The following TESPA1 variants were observed in gnomAD, a reference collection of about 807,000 sequenced individuals.
The protein encoded by TESPA1 is protein TESPA1.
In TESPA1, 33 loss-of-function variants were observed where a neutral mutation model predicts 57.9. The ratio of observed to expected loss-of-function variants is 0.57; its 90% CI spans 0.43 to 0.76. TESPA1 has a LOEUF of 0.76. TESPA1 is among the 30% of genes least tolerant of loss of function. TESPA1 has a pLI of 0.00. For synonymous variants in TESPA1, 227 were observed against 228.9 expected (o/e 0.99, Z 0.07); for missense variants, 618 against 632.9 (o/e 0.98, Z 0.25).
In TESPA1 at chr12:54,973,485, C is replaced by A. The variant is rs1436021998; in HGVS notation, c.198G>T (p.Gln66His). ...NPINKIEDWL[Q>H]DCGYSEEGFS... ...GCCTGTCCAGCACTTACCCGCAATC[C>A]TGCAGCCAGTCTTCAATTTTATTGA... Residue 66 changes from glutamine to histidine, a missense_variant, in exon 3 of 11, where the codon CAG (glutamine) becomes CAT (histidine). By Grantham distance (24) the Gln-to-His change is conservative. This residue lies in a region of TESPA1 where 199 missense variants were observed against 184.0 expected (regional missense o/e 1.08). Transcript: ENST00000449076. 1 of 1,614,000 alleles carries A rather than the reference C, an allele frequency of 6.2e-7. No homozygotes were observed. Among genetic ancestry groups the A allele is most frequent in the African/African-American group, 1.3e-5 (1 of 75,036 alleles).
chr12:54,974,585 C>A lies in TESPA1; in HGVS notation c.-23G>T. On this transcript the variant is annotated 5_prime_UTR_variant, in exon 2 of 11. Transcript: ENST00000449076. ...CATGGCCCTGGCTCAGACTTCAGGG[C>A]CTCCCGTAACAGTAATGCCGTCCTA... 1.3e-6 allele frequency: 2 copies of A among 1,517,040 alleles called. No individual in the cohort carries two copies. Among genetic ancestry groups the A allele is most frequent in the Admixed American group, 2.2e-5 (1 of 45,758 alleles). 94.0% of individuals were successfully genotyped at this position (1,517,040 alleles called of 1,614,324 possible). A position where few individuals can be genotyped will look rare whatever the true frequency, so the allele number is the denominator to read the frequency against.
Position 54,976,591 on chromosome 12 carries a change from C to G in TESPA1, c.-45-1984G>C, listed in dbSNP as rs568062044. On this transcript the variant is annotated intron_variant, in intron 1 of 10. Transcript: ENST00000449076. Reference sequence around the variant, plus strand: ...GAGGGAGGAATATCTGGATTTCATACTTTATTCTGCCACTTCAAATGGTAT... The same window carrying G: ...GAGGGAGGAATATCTGGATTTCATAGTTTATTCTGCCACTTCAAATGGTAT... Among the ~76,000 whole-genome samples, 13 of 152,246 alleles carry G rather than the reference C, an allele frequency of 8.5e-5. No homozygotes were observed. In the South Asian group the frequency reaches 1.2e-3, roughly 15 times the overall value.
At chr12:54,963,591 A>G (rs1951224229) in intron 8 of TESPA1, 151 bp downstream of exon 8, 4 of 899,642 alleles carry the variant, frequency 4.4e-6, no homozygotes, top group Admixed American at 2.8e-5. Context: ...AGAGTTCTCC[A>G]TCTTCACTGA....
intron 10 of TESPA1, among the ~76,000 whole-genome samples, chr12:54,953,710 C>T (rs768011598): frequency 4.0e-5 from 6 of 151,888 alleles, no homozygotes; most frequent in African/African-American, 1.2e-4. Context: ...TTAGTAGAGA[C>T]GGGGTTTCAC....
Position 54,955,363 on chromosome 12 carries a change from G to C in TESPA1, c.*2-4973C>G, listed in dbSNP as rs533902041. Among the ~76,000 whole-genome samples the C allele has an allele frequency of 8.5e-4, 130 of 152,300 alleles. 1 individual carries two copies. The highest frequency in any genetic ancestry group is 3.1e-3 in the African/African-American group (127 of 41,562). On this transcript the variant is annotated intron_variant, in intron 10 of 10. Coordinates refer to ENST00000449076, the MANE Select transcript of TESPA1 (RefSeq NM_001136030.3). ...CTTTGAAATGTAATTATCAAGGAGG[G>C]TAGCACCTGTCTCTTCCAGTCTCAA...
intron 3 of TESPA1, among the ~76,000 whole-genome samples, chr12:54,971,439 T>C (rs1951824387): frequency 6.6e-6 from 1 of 152,254 alleles, no homozygotes; most frequent in South Asian, 2.1e-4. Flanking sequence ...TTAGTTTTTC[T>C]AGCTTTTCCA....
chr12:54,954,126 T>C (rs1482231758), intron 10 of TESPA1, among the ~76,000 whole-genome samples: 2 of 152,158 alleles, frequency 1.3e-5, no homozygotes, highest in East Asian at 3.9e-4. Context: ...CAGATCCAAG[T>C]ACAGGTAGCG....
At chr12:54,975,573 C>T (rs1185708760) in intron 1 of TESPA1, among the ~76,000 whole-genome samples, 2 of 152,092 alleles carry the variant, frequency 1.3e-5, no homozygotes, top group Non-Finnish European at 2.9e-5. Flanking sequence ...ACTTGCATCC[C>T]ACCACACTGA....
intron 1 of TESPA1, among the ~76,000 whole-genome samples, chr12:54,983,808 TG>T (rs1000069885): frequency 3.5e-4 from 54 of 152,232 alleles, no homozygotes; most frequent in African/African-American, 1.3e-3. Context: ...CTCATGTAGG[TG>T]GTGATATGCT....
chr12:54,976,462 C>T (rs12823359), intron 1 of TESPA1, among the ~76,000 whole-genome samples: 16,772 of 150,720 alleles, frequency 0.11, 1,029 homozygotes, highest in Middle Eastern at 0.13. Context: ...CATTTTTGGT[C>T]GTAGAACTCA....
rs760710663 is a variant in TESPA1, at chr12:54,963,001, C to T, written c.897G>A (p.Arg299=). The T allele has an allele frequency of 6.2e-7, 1 of 1,613,662 alleles. No homozygotes were observed. The highest frequency in any genetic ancestry group is 8.5e-7 in the Non-Finnish European group (1 of 1,179,814). The stretch of plus-strand genomic sequence containing the variant: ...TGGGGGTGTTGTGGGGTGGTGGTGG[C>T]CGGTCTCGGGGGCATGTGTACAGAC... ...KMCLYTCPRD[R]PPPPHNTPKR... Residue 299 remains arginine, a synonymous_variant, in exon 9 of 11, where the codon CGG becomes CGA. Coordinates refer to ENST00000449076, the MANE Select transcript of TESPA1 (RefSeq NM_001136030.3).
At chr12:54,973,681 A>T in intron 2 of TESPA1, 162 bp from the exon 3 acceptor site, 1 of 1,412,272 alleles carries the variant, frequency 7.1e-7, no homozygotes, top group Non-Finnish European at 9.2e-7. Context: ...TACACCGTAT[A>T]TAAAAATAGT....
Position 54,962,850 on chromosome 12 carries a change from C to A in TESPA1, c.1048G>T (p.Gly350Cys). 1.2e-6 allele frequency: 2 copies of A among 1,613,776 alleles called. No homozygotes were observed. Among genetic ancestry groups the A allele is most frequent in the Non-Finnish European group, 1.7e-6 (2 of 1,179,782 alleles). The change falls in exon 9 of 11, where the codon GGT becomes TGT. Residue 350 changes from glycine to cysteine, a missense_variant. Around this residue, in one of 3 missense-constraint regions of TESPA1, gnomAD observed 409 missense variants for 420.1 expected, o/e 0.97. Transcript: ENST00000449076. ...SQEDPVPPAEGKKLPTSPYPC... is the reference protein window; with the variant it reads ...SQEDPVPPAECKKLPTSPYPC... ...TAGGGAGAAGTGGGCAACTTCTTAC[C>A]CTCAGCAGGGGGCACAGGATCTTCC...
At position 54,966,077 on chromosome 12, in the gene TESPA1, C is replaced by A. The variant is rs865817012; in HGVS notation, c.422G>T (p.Gly141Val). Residue 141 changes from glycine to valine, a missense_variant, in exon 7 of 11, where the codon GGG becomes GTG. Coordinates refer to ENST00000449076, the MANE Select transcript of TESPA1 (RefSeq NM_001136030.3). ...GCSLASSSMTGGTNKTSSSIS... is the reference protein window; with the variant it reads ...GCSLASSSMTVGTNKTSSSIS... The stretch of plus-strand genomic sequence containing the variant: ...CCTTGAACTAGTCTTGTTGGTCCCC[C>A]CAGTCATGCTGCTGGAAGCCAAACT... The A allele has an allele frequency of 1.9e-6, 3 of 1,577,048 alleles. No individual in the cohort carries two copies. Among genetic ancestry groups the A allele is most frequent in the East Asian group, 4.7e-5 (2 of 42,922 alleles).
At chr12:54,965,614 C>T (rs570546048) in intron 7 of TESPA1, among the ~76,000 whole-genome samples, 11 of 152,170 alleles carry the variant, frequency 7.2e-5, no homozygotes, top group Non-Finnish European at 1.2e-4. Flanking sequence ...GGGTTGATTC[C>T]ATGTCTTTGC....
intron 5 of TESPA1, among the ~76,000 whole-genome samples, chr12:54,966,702 A>G (rs1206075115): frequency 1.5e-5 from 2 of 135,648 alleles, no homozygotes; most frequent in Non-Finnish European, 3.0e-5. Flanking sequence ...TAAAAAGGAT[A>G]GAGTCATTTG....
rs1314911514 is a variant in TESPA1, at chr12:54,962,855, G to C, written c.1043C>G (p.Ala348Gly). The C allele has an allele frequency of 1.2e-6, 2 of 1,613,726 alleles. No homozygotes were observed. The highest frequency in any genetic ancestry group is 1.7e-6 in the Non-Finnish European group (2 of 1,179,788). The stretch of plus-strand genomic sequence containing the variant: ...AGAAGTGGGCAACTTCTTACCCTCA[G>C]CAGGGGGCACAGGATCTTCCTGTGA... ...QFSQEDPVPP[A>G]EGKKLPTSPY... Residue 348 changes from alanine (A) to glycine (G), a missense_variant, in exon 9 of 11, where the codon GCT (alanine) becomes GGT (glycine). Physicochemically the swap from Ala to Gly is moderately conservative, Grantham distance 60. This residue lies in a region of TESPA1 where 409 missense variants were observed against 420.1 expected (regional missense o/e 0.97). Transcript: ENST00000449076.
At chr12:54,982,511 C>T (rs1284329091) in intron 1 of TESPA1, among the ~76,000 whole-genome samples, 2 of 152,128 alleles carry the variant, frequency 1.3e-5, no homozygotes, top group Non-Finnish European at 2.9e-5. Flanking sequence ...CTTACTTCCA[C>T]TTTTAGGATA....
At chr12:54,952,775 G>A (rs1205946094) in intron 10 of TESPA1, among the ~76,000 whole-genome samples, 1 of 152,200 alleles carries the variant, frequency 6.6e-6, no homozygotes, top group Non-Finnish European at 1.5e-5. Flanking sequence ...ATTTGCATGA[G>A]AGTCATTATT....
Sources: allele counts gnomAD v4.1 joint callset (sites outside exome capture counted in the v4.1 genomes callset), GRCh38; gene constraint gnomAD v4.1.1; regional missense constraint gnomAD v4.1.1; transcripts MANE v1.5; gene names NCBI Gene and HGNC (gene_info 2026-07-23, HGNC 2026-07-21).